Variants in TBCEL observed in about 807,000 individuals in gnomAD.
The protein encoded by TBCEL is tubulin folding cofactor E like.
A neutral mutation model predicts 44.2 loss-of-function variants in TBCEL; 15 were observed. That is an observed-to-expected ratio of 0.34 (90% CI 0.23 to 0.52). The LOEUF (loss-of-function observed/expected upper bound fraction) is 0.52. TBCEL is among the 20% of genes least tolerant of loss of function. The probability of loss-of-function intolerance (pLI) is 0.95; values close to 1 mark genes in which losing one functional copy is unlikely to be tolerated. For synonymous variants in TBCEL, 171 were observed against 185.4 expected (o/e 0.92, Z 0.63); for missense variants, 319 against 506.3 (o/e 0.63, Z 3.55).
intron 4 of TBCEL, among the ~76,000 whole-genome samples, chr11:121,048,318 G>T (rs1276179983): frequency 1.3e-5 from 2 of 151,762 alleles, no homozygotes; most frequent in African/African-American, 4.8e-5. Context: ...CCCTTGGGTG[G>T]TTTGACATAA....
At chr11:121,080,956 G>T (rs147078715) in intron 8 of TBCEL, among the ~76,000 whole-genome samples, 1 of 152,334 alleles carries the variant, frequency 6.6e-6, no homozygotes, top group Non-Finnish European at 1.5e-5. Context: ...ACTGGGAGTA[G>T]AGCTAGCCTG....
At position 121,055,089 on chromosome 11, in the gene TBCEL, A is replaced by G; in HGVS notation, c.493A>G (p.Thr165Ala). 2 of 1,583,660 alleles carry G rather than the reference A, an allele frequency of 1.3e-6. No individual in the cohort carries two copies. Among genetic ancestry groups the G allele is most frequent in the Non-Finnish European group, 1.7e-6 (2 of 1,162,376 alleles). ...CTTCCTGTGCCTTAATGACTATGAA[A>G]CAGTGTCTTGTCCTTCTATTTGCTG... ...ELFLCLNDYETVSCPSICCHS... is the reference protein window; with the variant it reads ...ELFLCLNDYEAVSCPSICCHS... Residue 165 changes from threonine (T) to alanine (A), a missense_variant, in exon 6 of 9, where the codon ACA becomes GCA. Transcript: ENST00000683345.
chr11:121,038,492 G>A (rs1945274461), intron 2 of TBCEL, among the ~76,000 whole-genome samples: 1 of 152,048 alleles, frequency 6.6e-6, no homozygotes, highest in South Asian at 2.1e-4. Flanking sequence ...ATCTGGCAAA[G>A]TTTGGATACA....
At chr11:121,045,139 C>G (rs1444108088) in intron 2 of TBCEL, among the ~76,000 whole-genome samples, 1 of 152,100 alleles carries the variant, frequency 6.6e-6, no homozygotes, top group African/African-American at 2.4e-5. Context: ...AACGATGATT[C>G]TTAGAAGCTG....
At chr11:121,068,080 G>T (rs114857697) in intron 8 of TBCEL, among the ~76,000 whole-genome samples, 314 of 152,268 alleles carry the variant, frequency 2.1e-3, no homozygotes, top group African/African-American at 7.1e-3. Flanking sequence ...GAGGCTTTCA[G>T]TGCTTTCTGT....
At chr11:121,068,610 G>A (rs1228208013) in intron 8 of TBCEL, among the ~76,000 whole-genome samples, 3 of 151,996 alleles carry the variant, frequency 2.0e-5, no homozygotes, top group African/African-American at 7.2e-5. Context: ...GAGGCTGGGC[G>A]CAGTGGCTCA....
intron 8 of TBCEL, among the ~76,000 whole-genome samples, chr11:121,064,027 G>T (rs1330911818): frequency 1.3e-5 from 2 of 152,208 alleles, no homozygotes; most frequent in African/African-American, 4.8e-5. Flanking sequence ...AGTGGGGCTT[G>T]TGGGTAGGGG....
rs73589520 is a variant in TBCEL, at chr11:121,034,221, C to G, written c.-125-2284C>G. On this transcript the variant is annotated intron_variant, in intron 1 of 8. Transcript: ENST00000683345. ...ACCATTTGCATTCCTACCAGCAGTG[C>G]ACATATATTAATATTGAGTTACTGA... is the stretch of plus-strand genomic sequence containing the variant. Among the ~76,000 whole-genome samples the G allele has an allele frequency of 6.2e-3, 950 of 152,238 alleles. 15 individuals carry two copies. The highest frequency in any genetic ancestry group is 0.022 in the African/African-American group (899 of 41,538).
chr11:121,079,592 T>G (rs1357804006), intron 8 of TBCEL, among the ~76,000 whole-genome samples: 2 of 152,164 alleles, frequency 1.3e-5, no homozygotes, highest in African/African-American at 2.4e-5. Flanking sequence ...CTATAAAATG[T>G]GATGCTTATG....
At chr11:121,040,202 G>T (rs777163841) in intron 2 of TBCEL, among the ~76,000 whole-genome samples, 4 of 152,070 alleles carry the variant, frequency 2.6e-5, no homozygotes, top group Non-Finnish European at 5.9e-5. Context: ...TGACAGAGAG[G>T]CCTGAATCTC....
intron 8 of TBCEL, among the ~76,000 whole-genome samples, chr11:121,069,137 C>T (rs1945877518): frequency 6.6e-6 from 1 of 152,146 alleles, no homozygotes; most frequent in Non-Finnish European, 1.5e-5. Context: ...TGTCACTTAT[C>T]AACACCTGAG....
chr11:121,053,516 A>G, intron 4 of TBCEL, 35 bp from the exon 5 acceptor site: 4 of 1,598,460 alleles, frequency 2.5e-6, no homozygotes, highest in African/African-American at 1.3e-5. Flanking sequence ...AGCTCTGATT[A>G]CTGCCTGATA....
At chr11:121,075,229 G>T (rs1196473459) in intron 8 of TBCEL, among the ~76,000 whole-genome samples, 1 of 151,942 alleles carries the variant, frequency 6.6e-6, no homozygotes, top group African/African-American at 2.4e-5. Flanking sequence ...AAGAAAACCA[G>T]AAATACACCA....
chr11:121,082,003 A>G (rs1946134617), intron 8 of TBCEL, among the ~76,000 whole-genome samples: 1 of 152,238 alleles, frequency 6.6e-6, no homozygotes, highest in African/African-American at 2.4e-5. Context: ...AAACAAGTGG[A>G]AAGGAAGGTG....
chr11:121,063,925 C>T (rs1360746772), intron 8 of TBCEL, among the ~76,000 whole-genome samples: 1 of 152,086 alleles, frequency 6.6e-6, no homozygotes, highest in Non-Finnish European at 1.5e-5. Flanking sequence ...CAGGAGATAC[C>T]ACCAGGGTTC....
chr11:121,036,280 A>C (rs1215050439), intron 1 of TBCEL: 1 of 152,174 alleles, frequency 6.6e-6, no homozygotes, highest in East Asian at 1.9e-4. Flanking sequence ...AAAGCCTTGG[A>C]ATTTTACCAG....
chr11:121,034,709 G>A (rs1017780181), intron 1 of TBCEL, among the ~76,000 whole-genome samples: 1 of 152,088 alleles, frequency 6.6e-6, no homozygotes, highest in Non-Finnish European at 1.5e-5. Context: ...ACAAACAAAT[G>A]AAAGTTACAT....
At chr11:121,048,109 G>T (rs546276159) in intron 4 of TBCEL, among the ~76,000 whole-genome samples, 2 of 151,862 alleles carry the variant, frequency 1.3e-5, no homozygotes. Flanking sequence ...GTCTTTGTCA[G>T]CTTAAACTGC....
chr11:121,025,730 TA>T lies in TBCEL; in HGVS notation c.-126+1440del, dbSNP rs367575243. On this transcript the variant is annotated intron_variant, in intron 1 of 8. Transcript: ENST00000683345. ...TAAGGAGATGGATTTTTTTTTTTTT[TA>T]TTTTATTTTGGCCGGGGGAGAGGGA... 5.9e-5 allele frequency among the ~76,000 whole-genome samples: 9 copies of T among 151,480 alleles called. 1 individual carries two copies. Among genetic ancestry groups the T allele is most frequent in the South Asian group, 2.1e-4 (1 of 4,790 alleles).
Sources: allele counts gnomAD v4.1 joint callset (sites outside exome capture counted in the v4.1 genomes callset), GRCh38; gene constraint gnomAD v4.1.1; transcripts MANE v1.5; gene names NCBI Gene and HGNC (gene_info 2026-07-23, HGNC 2026-07-21).